The following VGLL4 variants were observed in gnomAD, a reference collection of about 807,000 sequenced individuals.
VGLL4 encodes the protein transcription cofactor vestigial-like protein 4.
Under a neutral mutation model 21.0 loss-of-function variants are expected in VGLL4, and 7 were observed. That is an observed-to-expected ratio of 0.33 (90% CI 0.19 to 0.63). The LOEUF (loss-of-function observed/expected upper bound fraction) is 0.63, where lower values mean the gene tolerates loss of function less well. Among genes scored for constraint, VGLL4 ranks in the 20% least tolerant of loss-of-function variants. The pLI is 0.78. For synonymous variants in VGLL4, 222 were observed against 173.2 expected (o/e 1.28, Z -2.21); for missense variants, 394 against 425.7 (o/e 0.93, Z 0.66).
intron 2 of VGLL4, among the ~76,000 whole-genome samples, chr3:11,591,080 A>G (rs1186582120): frequency 6.6e-6 from 1 of 152,202 alleles, no homozygotes; most frequent in African/African-American, 2.4e-5. Flanking sequence ...GCTGCTACAT[A>G]TGTGCCCAGA....
intron 1 of VGLL4, among the ~76,000 whole-genome samples, chr3:11,618,983 A>T (rs2075215001): frequency 6.6e-6 from 1 of 152,196 alleles, no homozygotes. Context: ...CCTTTGGTAT[A>T]TTTACTTAAG....
At chr3:11,634,818 C>T (rs777649955) in intron 1 of VGLL4, among the ~76,000 whole-genome samples, 8 of 152,110 alleles carry the variant, frequency 5.3e-5, no homozygotes, top group Non-Finnish European at 8.8e-5. Context: ...TCTGGGATCG[C>T]GCACCAGCAT....
chr3:11,631,288 A>G (rs73814952), intron 1 of VGLL4, among the ~76,000 whole-genome samples: 3,494 of 152,282 alleles, frequency 0.023, 135 homozygotes, highest in African/African-American at 0.078. Flanking sequence ...GTCAGCCCCA[A>G]TCAAAAAGAC....
At chr3:11,573,132 C>T (rs1319042037) in intron 2 of VGLL4, among the ~76,000 whole-genome samples, 2 of 151,432 alleles carry the variant, frequency 1.3e-5, no homozygotes, top group African/African-American at 2.4e-5. Context: ...AGCCATTGCA[C>T]TCCAACCTGG....
chr3:11,613,297 T>G (rs1206478882), intron 1 of VGLL4, among the ~76,000 whole-genome samples: 1 of 152,136 alleles, frequency 6.6e-6, no homozygotes, highest in Non-Finnish European at 1.5e-5. Flanking sequence ...ATTCTTTAAT[T>G]GGAGGGAGTT....
intron 2 of VGLL4, among the ~76,000 whole-genome samples, chr3:11,661,703 C>T (rs191130070): frequency 2.2e-4 from 34 of 152,236 alleles, no homozygotes; most frequent in African/African-American, 8.2e-4. Context: ...AATCCCTGAC[C>T]TCAGGTGATC....
At chr3:11,567,662 G>A (rs1326194717) in intron 2 of VGLL4, among the ~76,000 whole-genome samples, 1 of 152,216 alleles carries the variant, frequency 6.6e-6, no homozygotes, top group African/African-American at 2.4e-5. Flanking sequence ...TATGATCCCA[G>A]ACACCGATGT....
chr3:11,584,283 A>G (rs2074310246), intron 2 of VGLL4, among the ~76,000 whole-genome samples: 2 of 152,270 alleles, frequency 1.3e-5, no homozygotes, highest in African/African-American at 4.8e-5. Context: ...CAGAAGAAGA[A>G]ATGCAAACGG....
intron 3 of VGLL4, among the ~76,000 whole-genome samples, chr3:11,561,819 G>A (rs900965420): frequency 1.3e-5 from 2 of 151,860 alleles, no homozygotes; most frequent in Non-Finnish European, 2.9e-5. Flanking sequence ...CTCAGACAGA[G>A]GCTGCCCCGG....
chr3:11,664,659 G>A (rs1488131235), intron 2 of VGLL4, among the ~76,000 whole-genome samples: 1 of 152,200 alleles, frequency 6.6e-6, no homozygotes, highest in Non-Finnish European at 1.5e-5. Flanking sequence ...GAAACCTGGA[G>A]TGTGTATCCA....
rs375691226 is a variant in VGLL4, at chr3:11,574,785, ATGTGTGTGTGTGTGTGTGTG to A, written c.273-9786_273-9767del. On this transcript the variant is annotated intron_variant, in intron 2 of 4. Transcript: ENST00000430365. ...ACAATTACTGTCAATTCAACTATAT[ATGTGTGTGTGTGTGTGTGTG>A]TGTGTGTGTGTGTGTGTGTGTGTGT... 3.9e-3 allele frequency among the ~76,000 whole-genome samples: 478 copies of A among 121,778 alleles called. 4 individuals are homozygous for A. Among genetic ancestry groups the A allele is most frequent in the Non-Finnish European group, 5.0e-3 (296 of 59,738 alleles). The allele number at this position is 121,778 out of a possible 152,430, so 79.9% of individuals were successfully genotyped here.
intron 1 of VGLL4, among the ~76,000 whole-genome samples, chr3:11,629,100 T>A (rs2075420712): frequency 6.6e-6 from 1 of 152,150 alleles, no homozygotes; most frequent in Non-Finnish European, 1.5e-5. Context: ...CCAAAGCCAA[T>A]TTTCACAATA....
intron 2 of VGLL4, among the ~76,000 whole-genome samples, chr3:11,657,009 G>A (rs1173515565): frequency 6.6e-6 from 1 of 152,182 alleles, no homozygotes; most frequent in African/African-American, 2.4e-5. Flanking sequence ...CTGGAGCTGA[G>A]AGCAGTGACG....
At chr3:11,708,882 T>C (rs1201305143) in intron 1 of VGLL4, among the ~76,000 whole-genome samples, 1 of 150,912 alleles carries the variant, frequency 6.6e-6, no homozygotes, top group Non-Finnish European at 1.5e-5. Flanking sequence ...GACAACATGG[T>C]GAAACTCAGT....
chr3:11,605,860 A>G (rs1235400049), intron 1 of VGLL4, among the ~76,000 whole-genome samples: 1 of 152,262 alleles, frequency 6.6e-6, no homozygotes, highest in Non-Finnish European at 1.5e-5. Flanking sequence ...GATCTATTTA[A>G]AAATATAAGA....
intron 2 of VGLL4, among the ~76,000 whole-genome samples, chr3:11,652,400 C>A (rs565350013): frequency 6.6e-6 from 1 of 151,976 alleles, no homozygotes; most frequent in Non-Finnish European, 1.5e-5. Flanking sequence ...CTAAAAAGTG[C>A]AGACTGGGAA....
At chr3:11,563,524 C>T (rs2073218817) in intron 3 of VGLL4, among the ~76,000 whole-genome samples, 1 of 152,190 alleles carries the variant, frequency 6.6e-6, no homozygotes, top group African/African-American at 2.4e-5. Flanking sequence ...TCCCTGTGGC[C>T]GTGACAGTGT....
chr3:11,695,829 G>A (rs2076599836), intron 2 of VGLL4, among the ~76,000 whole-genome samples: 1 of 152,076 alleles, frequency 6.6e-6, no homozygotes, highest in African/African-American at 2.4e-5. Flanking sequence ...GGATATGAAA[G>A]TAAAAATCAC....
intron 1 of VGLL4, among the ~76,000 whole-genome samples, chr3:11,622,289 T>TA (rs1337473842): frequency 1.3e-5 from 2 of 152,208 alleles, no homozygotes; most frequent in East Asian, 3.8e-4. Context: ...CAGCCATTGC[T>TA]AGATACCCAC....
Sources: gnomAD v4.1 joint callset for allele counts (sites outside exome capture counted in the v4.1 genomes callset) on GRCh38, gnomAD v4.1.1 for gene constraint, MANE v1.5 for transcripts, NCBI Gene and HGNC (gene_info 2026-07-23, HGNC 2026-07-21) for gene names.